The following AGPAT4 variants were observed in gnomAD, a reference collection of about 807,000 sequenced individuals.
The protein encoded by AGPAT4 is 1-acyl-sn-glycerol-3-phosphate acyltransferase delta.
A neutral mutation model predicts 48.0 loss-of-function variants in AGPAT4; 15 were observed. The observed-to-expected ratio is 0.31, with a 90% CI of 0.21 to 0.48. The LOEUF (loss-of-function observed/expected upper bound fraction) is 0.48, where lower values mean the gene tolerates loss of function less well. Among genes scored for constraint, AGPAT4 ranks in the 20% least tolerant of loss-of-function variants. AGPAT4 has a pLI of 0.99. For missense variants in AGPAT4, 314 were observed against 482.5 expected, an observed-to-expected ratio of 0.65 and a Z score of 3.27; for synonymous variants, 178 against 198.7, an observed-to-expected ratio of 0.90 and a Z score of 0.88.
At position 161,161,602 on chromosome 6, in the gene AGPAT4, G is replaced by A; in HGVS notation, c.348+4646C>T. On this transcript the variant is annotated intron_variant, in intron 3 of 8. Coordinates refer to ENST00000320285, the MANE Select transcript of AGPAT4 (RefSeq NM_020133.3). The surrounding 1 kb of genome is among the most constrained non-coding windows in gnomAD (Gnocchi z 4.6). ...CACCCTACAGAGCTGACAAAACCAT[G>A]GCGGTGGGCATATCTGCTGAAAATA... 1 of 404,284 alleles carries A rather than the reference G, an allele frequency of 2.5e-6. No individual in the cohort carries two copies. The highest frequency in any genetic ancestry group is 5.0e-6 in the Non-Finnish European group (1 of 198,294). The allele number at this position is 404,284 out of a possible 1,614,324, so 25.0% of individuals were successfully genotyped here.
At chr6:161,186,229 T>G (rs559022650) in intron 2 of AGPAT4, among the ~76,000 whole-genome samples, 10 of 152,258 alleles carry the variant, frequency 6.6e-5, no homozygotes, top group Non-Finnish European at 1.5e-4. Flanking sequence ...ATGCTTAAGA[T>G]GAGTGAATCA....
intron 1 of AGPAT4, among the ~76,000 whole-genome samples, chr6:161,239,394 T>C (rs1782413884): frequency 1.3e-5 from 2 of 152,316 alleles, no homozygotes; most frequent in Admixed American, 1.3e-4. Context: ...TCTGAAACTA[T>C]TAAATAAGCA....
In AGPAT4 at chr6:161,171,796, A is replaced by C. The variant is rs1367892317; in HGVS notation, c.179-5379T>G. On this transcript the variant is annotated intron_variant, in intron 2 of 8. Coordinates refer to ENST00000320285, the MANE Select transcript of AGPAT4 (RefSeq NM_020133.3). The surrounding 1 kb of genome is among the most constrained non-coding windows in gnomAD (Gnocchi z 4.4). ...GCACCTGTAGTCCCAGCTACTCGGG[A>C]GTCTGAGGCAGGAGAATGGCATGAA... 6.6e-6 allele frequency among the ~76,000 whole-genome samples: 1 copy of C among 152,072 alleles called. No individual in the cohort carries two copies. The highest frequency in any genetic ancestry group is 1.5e-5 in the Non-Finnish European group (1 of 68,028).
chr6:161,175,858 A>G (rs1780414001), intron 2 of AGPAT4, among the ~76,000 whole-genome samples: 1 of 152,204 alleles, frequency 6.6e-6, no homozygotes, highest in Admixed American at 6.5e-5. Flanking sequence ...ATTGGTTTCA[A>G]AGAACATCTT....
At position 161,251,863 on chromosome 6, in the gene AGPAT4, G is replaced by A. The variant is rs1248927866; in HGVS notation, c.-89-19561C>T. Among the ~76,000 whole-genome samples the A allele has an allele frequency of 6.6e-6, 1 of 152,194 alleles. No individual in the cohort carries two copies. Among genetic ancestry groups the A allele is most frequent in the African/African-American group, 2.4e-5 (1 of 41,448 alleles). ...AGCAGCCATTTAGATTCTTCTAAAGGGATACATTACCTGTTACAGATTAGG... is the reference window on the plus strand; with the variant it reads ...AGCAGCCATTTAGATTCTTCTAAAGAGATACATTACCTGTTACAGATTAGG... On this transcript the variant is annotated intron_variant, in intron 1 of 8. Coordinates refer to ENST00000320285, the MANE Select transcript of AGPAT4 (RefSeq NM_020133.3). The surrounding 1 kb of genome is among the most constrained non-coding windows in gnomAD (Gnocchi z 4.6).
rs1042848920 is a variant in AGPAT4, at chr6:161,195,912, G to T, written c.179-29495C>A. On this transcript the variant is annotated intron_variant, in intron 2 of 8. Coordinates refer to ENST00000320285, the MANE Select transcript of AGPAT4 (RefSeq NM_020133.3). This position sits in a 1 kb window ranked among gnomAD's most constrained non-coding sequence, Gnocchi z 5.0. ...TGTGAATGTTCTCAAGGTCCGCTCCGATCCTATCTTTTCCCAAAGCTTCCT... is the reference window on the plus strand; with the variant it reads ...TGTGAATGTTCTCAAGGTCCGCTCCTATCCTATCTTTTCCCAAAGCTTCCT... Among the ~76,000 whole-genome samples, 5 of 152,160 alleles carry T rather than the reference G, an allele frequency of 3.3e-5. No individual in the cohort carries two copies. The highest frequency in any genetic ancestry group is 1.9e-4 in the East Asian group (1 of 5,194).
In AGPAT4 at chr6:161,134,377, G is replaced by T. The variant is rs1446398698; in HGVS notation, c.*2163C>A. ...TAGAACTTACTTAGATTACTTCTGT[G>T]TTGAATGGAAGAATGAAAATGAGAA... On this transcript the variant is annotated 3_prime_UTR_variant, in exon 9 of 9. Transcript: ENST00000320285. 1 of 152,176 alleles carries T rather than the reference G, an allele frequency of 6.6e-6. No individual in the cohort carries two copies. The allele number at this position is 152,176 out of a possible 1,614,324, so 9.4% of individuals were successfully genotyped here.
rs552640159 is a variant in AGPAT4 at position 161,251,892 on chromosome 6, T to C, written c.-89-19590A>G. 1.4e-4 allele frequency among the ~76,000 whole-genome samples: 21 copies of C among 152,380 alleles called. No homozygotes were observed. Among genetic ancestry groups the C allele is most frequent in the Non-Finnish European group, 1.8e-4 (12 of 68,046 alleles). On this transcript the variant is annotated intron_variant, in intron 1 of 8. Transcript: ENST00000320285. This position sits in a 1 kb window ranked among gnomAD's most constrained non-coding sequence, Gnocchi z 4.6. ...ACATTACCTGTTACAGATTAGGGAA[T>C]GGAAGGCCTATGATGGTAGGGAATT...
chr6:161,146,606 A>T lies in AGPAT4; in HGVS notation c.768-7T>A. On this transcript the variant is annotated splice_polypyrimidine_tract_variant and splice_region_variant and intron_variant, in intron 6 of 8. Coordinates refer to ENST00000320285, the MANE Select transcript of AGPAT4 (RefSeq NM_020133.3). This position sits in a 1 kb window ranked among gnomAD's most constrained non-coding sequence, Gnocchi z 7.1. Reference sequence around the variant, plus strand: ...GTCTTCCAGTGGGATCCTCCTGCAAAGGCAGAGAGCAGCTAGCAGAGAGGA... The same window carrying T: ...GTCTTCCAGTGGGATCCTCCTGCAATGGCAGAGAGCAGCTAGCAGAGAGGA... 5 of 1,614,028 alleles carry T rather than the reference A, an allele frequency of 3.1e-6. No homozygotes were observed. The highest frequency in any genetic ancestry group is 3.4e-6 in the Non-Finnish European group (4 of 1,179,968).
rs139269493 is a variant in AGPAT4 at position 161,204,090 on chromosome 6, G to C, written c.178+27946C>G. ...TTTAAAAACAATTTCAGACTCTTGA[G>C]TTGACTTTACCTTCTCAAGACTAAA... is the stretch of plus-strand genomic sequence containing the variant. On this transcript the variant is annotated intron_variant, in intron 2 of 8. Coordinates refer to ENST00000320285, the MANE Select transcript of AGPAT4 (RefSeq NM_020133.3). The surrounding 1 kb of genome is among the most constrained non-coding windows in gnomAD (Gnocchi z 4.4). Among the ~76,000 whole-genome samples the C allele has an allele frequency of 2.2e-4, 33 of 152,266 alleles. 1 individual carries two copies. The highest frequency in any genetic ancestry group is 7.5e-4 in the African/African-American group (31 of 41,550).
Position 161,146,331 on chromosome 6 carries a change from T to C in AGPAT4, c.843+193A>G, listed in dbSNP as rs1779425144. ...CTACACCTAGAGAATAGCTTCATTG[T>C]GTGTGTGTGAACCCTCCTTAAAAAA... is the stretch of plus-strand genomic sequence containing the variant. On this transcript the variant is annotated intron_variant, in intron 7 of 8. Transcript: ENST00000320285. This position sits in a 1 kb window ranked among gnomAD's most constrained non-coding sequence, Gnocchi z 7.1. Among the ~76,000 whole-genome samples, 1 of 147,870 alleles carries C rather than the reference T, an allele frequency of 6.8e-6. No individual in the cohort carries two copies. Among genetic ancestry groups the C allele is most frequent in the Non-Finnish European group, 1.5e-5 (1 of 68,002 alleles).
Position 161,165,465 on chromosome 6 carries a change from G to A in AGPAT4, c.348+783C>T. On this transcript the variant is annotated intron_variant, in intron 3 of 8. Transcript: ENST00000320285. This position sits in a 1 kb window ranked among gnomAD's most constrained non-coding sequence, Gnocchi z 5.5. ...AGCAGCCCCCGTATCTGTTCTACAG[G>A]GCATTGTTCCCAGGTGCAAAACCTG... The A allele has an allele frequency of 1.8e-6, 1 of 553,032 alleles. No individual in the cohort carries two copies. The highest frequency in any genetic ancestry group is 2.7e-6 in the Non-Finnish European group (1 of 374,228). The allele number at this position is 553,032 out of a possible 1,614,324, so 34.3% of individuals were successfully genotyped here.
chr6:161,146,229 A>G lies in AGPAT4; in HGVS notation c.843+295T>C, dbSNP rs1779420251. On this transcript the variant is annotated intron_variant, in intron 7 of 8. Coordinates refer to ENST00000320285, the MANE Select transcript of AGPAT4 (RefSeq NM_020133.3). The surrounding 1 kb of genome is among the most constrained non-coding windows in gnomAD (Gnocchi z 7.1). Reference sequence around the variant, plus strand: ...TGCTGCGGAGAACATCCACCCCACAAGCACATCCTGCCTTAGGACCAGAGG... The same window carrying G: ...TGCTGCGGAGAACATCCACCCCACAGGCACATCCTGCCTTAGGACCAGAGG... 6.6e-6 allele frequency among the ~76,000 whole-genome samples: 1 copy of G among 151,602 alleles called. No homozygotes were observed. The highest frequency in any genetic ancestry group is 1.5e-5 in the Non-Finnish European group (1 of 68,032).
rs546578118 is a variant in AGPAT4, at chr6:161,221,756, C to T, written c.178+10280G>A. The stretch of plus-strand genomic sequence containing the variant: ...GATCTGTGTCACAGCTCTCTCCCAG[C>T]GGCTGGGAGCCAGGTGTTCCTTGGC... On this transcript the variant is annotated intron_variant, in intron 2 of 8. Transcript: ENST00000320285. The surrounding 1 kb of genome is among the most constrained non-coding windows in gnomAD (Gnocchi z 4.5). 1.3e-5 allele frequency among the ~76,000 whole-genome samples: 2 copies of T among 152,144 alleles called. No homozygotes were observed. Among genetic ancestry groups the T allele is most frequent in the Non-Finnish European group, 2.9e-5 (2 of 68,012 alleles).
In AGPAT4 at chr6:161,149,431, T is replaced by C; in HGVS notation, c.665-142A>G. 1.5e-6 allele frequency: 1 copy of C among 649,354 alleles called. No individual in the cohort carries two copies. Among genetic ancestry groups the C allele is most frequent in the East Asian group, 2.8e-5 (1 of 35,194 alleles). The allele number at this position is 649,354 out of a possible 1,614,324, so 40.2% of individuals were successfully genotyped here. A position where few individuals can be genotyped will look rare whatever the true frequency, so the allele number is the denominator to read the frequency against. On this transcript the variant is annotated intron_variant, in intron 5 of 8. Coordinates refer to ENST00000320285, the MANE Select transcript of AGPAT4 (RefSeq NM_020133.3). This position sits in a 1 kb window ranked among gnomAD's most constrained non-coding sequence, Gnocchi z 6.5. ...GTGGTCAGATTTCTTTCTTTCTATA[T>C]GGTCCACATGTTCTACACTGAATGT...
rs1238830838 is a variant in AGPAT4 at position 161,261,735 on chromosome 6, C to T, written c.-90+12203G>A. On this transcript the variant is annotated intron_variant, in intron 1 of 8. Transcript: ENST00000320285. The surrounding 1 kb of genome is among the most constrained non-coding windows in gnomAD (Gnocchi z 5.3). ...GGAATACATGTTTGTAAGGGGGTTT[C>T]CTCCACCTGGTTTTGCCCTCTTTAT... Among the ~76,000 whole-genome samples the T allele has an allele frequency of 6.6e-6, 1 of 152,230 alleles. No homozygotes were observed. The highest frequency in any genetic ancestry group is 2.4e-5 in the African/African-American group (1 of 41,466).
Position 161,135,742 on chromosome 6 carries a change from A to AATT in AGPAT4, c.*795_*797dup, listed in dbSNP as rs1773225446. 2 of 152,322 alleles carry AATT rather than the reference A, an allele frequency of 1.3e-5. No individual in the cohort carries two copies. Among genetic ancestry groups the AATT allele is most frequent in the Admixed American group, 1.3e-4 (2 of 15,292 alleles). 9.4% of individuals were successfully genotyped at this position (152,322 alleles called of 1,614,324 possible). A position where few individuals can be genotyped will look rare whatever the true frequency, so the allele number is the denominator to read the frequency against. ...CTGTACGTTCATGATGTTTGTGTTC[A>AATT]ATTTCAAGATCCATTTCTTCAGGGA... On this transcript the variant is annotated 3_prime_UTR_variant, in exon 9 of 9. Transcript: ENST00000320285.
Position 161,217,518 on chromosome 6 carries a change from T to C in AGPAT4, c.178+14518A>G, listed in dbSNP as rs1164191231. 2.0e-5 allele frequency among the ~76,000 whole-genome samples: 3 copies of C among 152,152 alleles called. No homozygotes were observed. Among genetic ancestry groups the C allele is most frequent in the African/African-American group, 7.2e-5 (3 of 41,428 alleles). The stretch of plus-strand genomic sequence containing the variant: ...TCCCTGGGGGAGTCCATCAGGTGCA[T>C]GGTAATCCAGTATGAAGGCATTGGC... On this transcript the variant is annotated intron_variant, in intron 2 of 8. Transcript: ENST00000320285. The surrounding 1 kb of genome is among the most constrained non-coding windows in gnomAD (Gnocchi z 4.9).
At chr6:161,179,197 T>A (rs1175918525) in intron 2 of AGPAT4, among the ~76,000 whole-genome samples, 2 of 152,102 alleles carry the variant, frequency 1.3e-5, no homozygotes, top group Non-Finnish European at 2.9e-5. Flanking sequence ...GCAACTAAAG[T>A]TTACTGAGTT....
Sources: gnomAD v4.1 joint callset for allele counts (sites outside exome capture counted in the v4.1 genomes callset) on GRCh38, gnomAD v4.1.1 for gene constraint, Gnocchi (gnomAD v3.1) non-coding constraint, MANE v1.5 for transcripts, NCBI Gene and HGNC (gene_info 2026-07-23, HGNC 2026-07-21) for gene names.